The following TENM1 variants were observed in gnomAD, a reference collection of about 807,000 sequenced individuals.
TENM1 encodes teneurin-1.
Under a neutral mutation model 174.8 loss-of-function variants are expected in TENM1, and 35 were observed. The observed-to-expected ratio is 0.20, with a 90% CI of 0.15 to 0.27. TENM1 has a LOEUF of 0.27. Ranked by LOEUF, TENM1 falls within the 10% of genes least tolerant of loss-of-function variation. TENM1 has a pLI of 1.00. For missense variants in TENM1, 1,633 were observed against 2,130.1 expected (o/e 0.77, Z 4.59); for synonymous variants, 781 against 798.7 (o/e 0.98, Z 0.37).
intron 3 of TENM1, among the ~76,000 whole-genome samples, chrX:124,807,790 T>C (rs747018249): frequency 2.7e-5 from 3 of 109,750 alleles, no homozygotes; most frequent in Non-Finnish European, 5.7e-5. Context: ...ATTTTGTAAG[T>C]ATCATGGTAC....
intron 11 of TENM1, among the ~76,000 whole-genome samples, chrX:124,640,961 C>CAAAAAAAAAA (rs59598996): frequency 5.2e-5 from 3 of 57,731 alleles, no homozygotes; most frequent in Admixed American, 2.3e-4. Flanking sequence ...AATCCATCTC[C>CAAAAAAAAAA]AAAAAAAAAA....
At chrX:124,685,688 T>C (rs1013486372) in intron 5 of TENM1, among the ~76,000 whole-genome samples, 10 of 109,362 alleles carry the variant, frequency 9.1e-5, no homozygotes, top group African/African-American at 2.7e-4. Flanking sequence ...GCCTCCTGAG[T>C]AGCTAGGATT....
chrX:125,186,938 G>T, the TENM1 span, among the ~76,000 whole-genome samples: 1 of 112,113 alleles, frequency 8.9e-6, no homozygotes, highest in Non-Finnish European at 1.9e-5. Context: ...CCAGTATGAA[G>T]TCACCTGGAT....
chrX:125,196,013 CGAAGGAAG>C, the TENM1 span, among the ~76,000 whole-genome samples: 457 of 90,717 alleles, frequency 5.0e-3, 7 homozygotes, highest in African/African-American at 0.016. Flanking sequence ...AAAGAAGGAA[CGAAGGAAG>C]GAAGGAAGGA....
chrX:125,118,262 G>A, the TENM1 span, among the ~76,000 whole-genome samples: 1 of 111,026 alleles, frequency 9.0e-6, no homozygotes, highest in African/African-American at 3.3e-5. Flanking sequence ...AAAATTAACT[G>A]TTGGGTACAA....
the TENM1 span, among the ~76,000 whole-genome samples, chrX:125,086,632 G>T: frequency 1.8e-5 from 2 of 110,245 alleles, no homozygotes; most frequent in Non-Finnish European, 3.8e-5. Flanking sequence ...TTTCTAACTG[G>T]TTATTGCTGG....
chrX:125,009,442 C>G, the TENM1 span, among the ~76,000 whole-genome samples: 1 of 111,560 alleles, frequency 9.0e-6, no homozygotes, highest in South Asian at 3.8e-4. Context: ...CGGCCAAGTT[C>G]TACCAGAGGT....
chrX:124,436,896 G>A (rs2060844422), intron 23 of TENM1, among the ~76,000 whole-genome samples: 1 of 101,433 alleles, frequency 9.9e-6, no homozygotes, highest in African/African-American at 3.6e-5. Flanking sequence ...AATCCTCTCT[G>A]TTAAAATAAC....
chrX:124,558,995 T>G (rs2048754057), intron 14 of TENM1, among the ~76,000 whole-genome samples: 1 of 111,911 alleles, frequency 8.9e-6, no homozygotes, highest in South Asian at 3.7e-4. Context: ...GCATTGAGAA[T>G]TGATAATTCA....
intron 23 of TENM1, among the ~76,000 whole-genome samples, chrX:124,431,811 T>C (rs914237301): frequency 9.8e-5 from 11 of 112,128 alleles, no homozygotes; most frequent in Admixed American, 2.8e-4. Flanking sequence ...ATACACACTC[T>C]TGTGTCTCTC....
At chrX:124,596,035 C>T (rs983189859) in intron 11 of TENM1, among the ~76,000 whole-genome samples, 1 of 111,972 alleles carries the variant, frequency 8.9e-6, no homozygotes, top group Non-Finnish European at 1.9e-5. Context: ...ATAATTTCAA[C>T]AATGTTCATG....
the TENM1 span, among the ~76,000 whole-genome samples, chrX:125,185,541 A>C: frequency 8.9e-6 from 1 of 112,779 alleles, no homozygotes; most frequent in African/African-American, 3.2e-5. Flanking sequence ...CATGACATGC[A>C]ATAAATACAA....
intron 11 of TENM1, among the ~76,000 whole-genome samples, chrX:124,616,443 C>T (rs1434613743): frequency 8.9e-6 from 1 of 112,510 alleles, no homozygotes; most frequent in Non-Finnish European, 1.9e-5. Context: ...ATGCTGCTCT[C>T]TGATCCTCAT....
At chrX:125,079,255 A>G in the TENM1 span, among the ~76,000 whole-genome samples, 2 of 111,961 alleles carry the variant, frequency 1.8e-5, no homozygotes, top group African/African-American at 6.5e-5. Context: ...AGAGTGGATC[A>G]TGGTGAAAGA....
intron 23 of TENM1, among the ~76,000 whole-genome samples, chrX:124,441,619 A>G (rs2060903392): frequency 8.9e-6 from 1 of 112,032 alleles, no homozygotes; most frequent in African/African-American, 3.2e-5. Flanking sequence ...ATGTGGCTCA[A>G]ATGAATAGAA....
In TENM1 at chrX:124,520,792, A is replaced by C. The variant is rs774494511; in HGVS notation, c.3034-8T>G. On this transcript the variant is annotated splice_polypyrimidine_tract_variant and splice_region_variant and intron_variant, in intron 17 of 31. Transcript: ENST00000422452. ...AATTTCCTCCTGTACAACCTGAAAT[A>C]AAAAAAAAAAAAAAAAGCCAAATAG... 1.3e-5 allele frequency: 1 copy of C among 74,171 alleles called. No homozygotes were observed. The highest frequency in any genetic ancestry group is 2.2e-5 in the Non-Finnish European group (1 of 45,768). 6.1% of individuals were successfully genotyped at this position (74,171 alleles called of 1,213,427 possible).
chrX:124,539,307 C>T (rs750100520), intron 15 of TENM1, among the ~76,000 whole-genome samples: 1 of 111,418 alleles, frequency 9.0e-6, no homozygotes, highest in East Asian at 2.8e-4. Flanking sequence ...GTCACCTCCT[C>T]AGAGAGGTGT....
At chrX:124,511,930 A>G (rs1445958801) in intron 18 of TENM1, among the ~76,000 whole-genome samples, 2 of 111,819 alleles carry the variant, frequency 1.8e-5, no homozygotes, top group Non-Finnish European at 3.8e-5. Context: ...TAGTTTTCCC[A>G]GAAACACCAT....
chrX:124,953,657 A>G (rs953291876), intron 1 of TENM1, among the ~76,000 whole-genome samples: 7 of 111,829 alleles, frequency 6.3e-5, no homozygotes, highest in African/African-American at 2.3e-4. Flanking sequence ...AAGGAGGAAC[A>G]AAATTATGTA....
Sources: allele counts gnomAD v4.1 joint callset (sites outside exome capture counted in the v4.1 genomes callset), GRCh38; gene constraint gnomAD v4.1.1; transcripts MANE v1.5; gene names NCBI Gene and HGNC (gene_info 2026-07-23, HGNC 2026-07-21).